The following APC2 variants were observed in gnomAD, a reference collection of about 807,000 sequenced individuals.
The protein encoded by APC2 is adenomatous polyposis coli protein 2.
APC2 carries 41 observed loss-of-function variants against 72.5 expected under a neutral mutation model. That is an observed-to-expected ratio of 0.57 (90% CI 0.44 to 0.73). The LOEUF (loss-of-function observed/expected upper bound fraction) is 0.73, where lower values mean the gene tolerates loss of function less well. Among genes scored for constraint, APC2 ranks in the 30% least tolerant of loss-of-function variants. The pLI is 0.00. For synonymous variants in APC2, 1,898 were observed against 1,612.0 expected, an observed-to-expected ratio of 1.18 and a Z score of -4.25; for missense variants, 3,729 against 3,403.4, an observed-to-expected ratio of 1.10 and a Z score of -2.38.
At position 1,467,593 on chromosome 19, in the gene APC2, G is replaced by T; in HGVS notation, c.4292G>T (p.Arg1431Leu). Residue 1431 changes from arginine (R) to leucine (L), a missense_variant, in exon 15 of 15, where the codon CGC (arginine) becomes CTC (leucine). Coordinates refer to ENST00000590469, the MANE Select transcript of APC2 (RefSeq NM_005883.3). ...GPAGRQRPTG[R>L]PTSARQAMGH... ...GCGGGCAGGCAAAGACCCACCGGCC[G>T]CCCCACCTCTGCCAGACAGGCCATG... The T allele has an allele frequency of 6.6e-7, 1 of 1,511,996 alleles. No homozygotes were observed. The allele number at this position is 1,511,996 out of a possible 1,614,324, so 93.7% of individuals were successfully genotyped here. A position where few individuals can be genotyped will look rare whatever the true frequency, so the allele number is the denominator to read the frequency against.
intron 13 of APC2, 80 bp downstream of exon 13, chr19:1,461,233 C>A: frequency 1.6e-6 from 2 of 1,267,122 alleles, no homozygotes; most frequent in Non-Finnish European, 2.3e-6. Flanking sequence ...AGCTCTCCGA[C>A]TTGGGAGGAA....
Position 1,465,728 on chromosome 19 carries a change from C to T in APC2, c.2427C>T (p.Pro809=). 1.3e-6 allele frequency: 2 copies of T among 1,556,086 alleles called. No individual in the cohort carries two copies. The highest frequency in any genetic ancestry group is 1.7e-6 in the Non-Finnish European group (2 of 1,152,650). Residue 809 remains proline (P), a synonymous_variant, in exon 15 of 15, where the codon CCC becomes CCT. Transcript: ENST00000590469. ...PAALSLFLGS[P]FLQGQALART... is the part of the protein sequence containing the mutation. ...CGCTGTCCCTCTTCCTGGGCAGCCC[C>T]TTCCTGCAGGGGCAGGCGCTGGCTC...
Position 1,469,595 on chromosome 19 carries a change from CTACGCG to C in APC2, c.6296_6301del (p.Tyr2099_Ala2100del), listed in dbSNP as rs1423560120. 4.8e-6 allele frequency: 6 copies of C among 1,259,512 alleles called. No individual in the cohort carries two copies. Among genetic ancestry groups the C allele is most frequent in the Non-Finnish European group, 6.1e-6 (6 of 991,722 alleles). 78.0% of individuals were successfully genotyped at this position (1,259,512 alleles called of 1,614,324 possible). ...CCGCCCGGCCGGAGACTGTCAAGCGCTACGCGTCGCTGCCGCACATCAGCGTGGCCC... is the reference window on the plus strand; with the variant it reads ...CCGCCCGGCCGGAGACTGTCAAGCGCTCGCTGCCGCACATCAGCGTGGCCC... On this transcript the variant is annotated inframe_deletion, in exon 15 of 15. Transcript: ENST00000590469.
chr19:1,468,200 C>T lies in APC2; in HGVS notation c.4899C>T (p.Ile1633=). 2 of 1,463,160 alleles carry T rather than the reference C, an allele frequency of 1.4e-6. No individual in the cohort carries two copies. Among genetic ancestry groups the T allele is most frequent in the Non-Finnish European group, 1.8e-6 (2 of 1,116,960 alleles). The allele number at this position is 1,463,160 out of a possible 1,614,324, so 90.6% of individuals were successfully genotyped here. A position where few individuals can be genotyped will look rare whatever the true frequency, so the allele number is the denominator to read the frequency against. ...RAAEELLQRC[I]SSALPRRRPP... is the part of the protein sequence containing the mutation. ...CGGAGGAGCTTCTGCAGCGGTGCAT[C>T]AGCTCGGCCCTGCCCAGGCGCCGGC... Residue 1633 remains isoleucine, a synonymous_variant, in exon 15 of 15, where the codon ATC becomes ATT. Coordinates refer to ENST00000590469, the MANE Select transcript of APC2 (RefSeq NM_005883.3).
intron 14 of APC2, among the ~76,000 whole-genome samples, chr19:1,464,079 T>G (rs1031563603): frequency 2.6e-5 from 4 of 151,196 alleles, no homozygotes; most frequent in African/African-American, 9.7e-5. Flanking sequence ...CAGGCCGAGG[T>G]AGGTGGATCA....
Position 1,455,586 on chromosome 19 carries a change from T to C in APC2, c.639+86T>C, listed in dbSNP as rs1292909404. ...GAGTGCAGATATTATGGGCGGGGTC[T>C]GGGGTAATGGGAGGAGTCTTATGCC... On this transcript the variant is annotated intron_variant, in intron 6 of 14. Transcript: ENST00000590469. 4.6e-6 allele frequency: 6 copies of C among 1,308,162 alleles called. No individual in the cohort carries two copies. In the African/African-American group the frequency reaches 5.9e-5, roughly 13 times the overall value. The allele number at this position is 1,308,162 out of a possible 1,614,324, so 81.0% of individuals were successfully genotyped here.
At position 1,471,322 on chromosome 19, in the gene APC2, C is replaced by A. The variant is rs2084130185; in HGVS notation, c.*1109C>A. 1 of 152,314 alleles carries A rather than the reference C, an allele frequency of 6.6e-6. No individual in the cohort carries two copies. The highest frequency in any genetic ancestry group is 1.9e-4 in the East Asian group (1 of 5,200). The allele number at this position is 152,314 out of a possible 1,614,324, so 9.4% of individuals were successfully genotyped here. The stretch of plus-strand genomic sequence containing the variant: ...AGGCCCTAGAACTCCAGAAACAGCA[C>A]AGCTGGGGCGGGGACCCAGCCTTGC... On this transcript the variant is annotated 3_prime_UTR_variant, in exon 15 of 15. Transcript: ENST00000590469.
At position 1,468,952 on chromosome 19, in the gene APC2, A is replaced by T; in HGVS notation, c.5651A>T (p.Gln1884Leu). The T allele has an allele frequency of 6.5e-7, 1 of 1,538,148 alleles. No individual in the cohort carries two copies. The highest frequency in any genetic ancestry group is 1.2e-5 in the South Asian group (1 of 83,034). Residue 1884 changes from glutamine (Q) to leucine (L), a missense_variant, in exon 15 of 15, where the codon CAG (glutamine) becomes CTG (leucine). Transcript: ENST00000590469. ...SSSSQTSPAS[Q>L]PLPRKRPPVT... ...TCCTCCCAGACCTCGCCCGCCTCCC[A>T]GCCCCTGCCCAGAAAGCGCCCCCCG... is the stretch of plus-strand genomic sequence containing the variant.
Position 1,466,384 on chromosome 19 carries a change from A to T in APC2, c.3083A>T (p.Gln1028Leu), listed in dbSNP as rs1305000598. ...GPGISPGARK[Q>L]AWLPADHLSK... ...GGAATCTCTCCAGGGGCCCGGAAGC[A>T]GGCCTGGCTGCCGGCAGACCACCTG... Residue 1028 changes from glutamine to leucine, a missense_variant, in exon 15 of 15, where the codon CAG becomes CTG. Physicochemically the swap from Gln to Leu is moderately radical, Grantham distance 113. Coordinates refer to ENST00000590469, the MANE Select transcript of APC2 (RefSeq NM_005883.3). 6.3e-7 allele frequency: 1 copy of T among 1,589,722 alleles called. No homozygotes were observed.
upstream of APC2, among the ~76,000 whole-genome samples, chr19:1,446,782 G>A (rs1295762416): frequency 6.6e-6 from 1 of 152,064 alleles, no homozygotes; most frequent in Non-Finnish European, 1.5e-5. The surrounding 1 kb of genome is among the most constrained non-coding windows in gnomAD (Gnocchi z 6.1). Context: ...TCCCCTTCTG[G>A]GCGCGAGCGT....
At chr19:1,462,429 G>A (rs10409060) in intron 14 of APC2, among the ~76,000 whole-genome samples, 3,771 of 151,986 alleles carry the variant, frequency 0.025, 137 homozygotes, top group African/African-American at 0.081. Flanking sequence ...GCCGAGGCAG[G>A]CAGATCACCT....
intron 10 of APC2, among the ~76,000 whole-genome samples, chr19:1,458,770 G>A (rs2083878794): frequency 6.6e-6 from 1 of 151,978 alleles, no homozygotes. Context: ...AGGCTGGAGT[G>A]CAGTGGTACA....
intron 5 of APC2, 38 bp downstream of exon 5, chr19:1,455,295 C>G: frequency 6.3e-7 from 1 of 1,576,794 alleles, no homozygotes; most frequent in Non-Finnish European, 8.6e-7. Context: ...GCGCGCCCGC[C>G]CCACTCAGGG....
upstream of APC2, among the ~76,000 whole-genome samples, chr19:1,449,983 G>A (rs1436003250): frequency 6.6e-6 from 1 of 152,026 alleles, no homozygotes; most frequent in Admixed American, 6.5e-5. Context: ...CTGAGCCCGC[G>A]CGGAGGCCCG....
chr19:1,467,435 C>T lies in APC2; in HGVS notation c.4134C>T (p.Pro1378=), dbSNP rs966488100. 58 of 1,481,072 alleles carry T rather than the reference C, an allele frequency of 3.9e-5. No homozygotes were observed. The highest frequency in any genetic ancestry group is 4.7e-5 in the Non-Finnish European group (53 of 1,120,260). 91.7% of individuals were successfully genotyped at this position (1,481,072 alleles called of 1,614,324 possible). The change falls in exon 15 of 15, where the codon CCC becomes CCT. Residue 1378 remains proline, a synonymous_variant. Transcript: ENST00000590469. ...CCGTGCCCGTCTACATGTTGGTGCC[C>T]GCCCCGGCCCCGGCCCAGGAGGACG... ...ALPVPVYMLV[P]APAPAQEDDS... is the part of the protein sequence containing the mutation.
intron 1 of APC2, chr19:1,451,430 C>T (rs143741153): frequency 0.016 from 2,498 of 152,722 alleles, 62 homozygotes; most frequent in Non-Finnish European, 0.019. Context: ...AGCCCCCAAC[C>T]CCAAGCCTGA....
At position 1,462,246 on chromosome 19, in the gene APC2, A is replaced by G. The variant is rs2083938851; in HGVS notation, c.1853+69A>G. On this transcript the variant is annotated intron_variant, in intron 14 of 14. Coordinates refer to ENST00000590469, the MANE Select transcript of APC2 (RefSeq NM_005883.3). Reference sequence around the variant, plus strand: ...GGGCGGGCACAGGGCTGGGCTGGGCACTGTCCTCCCGTGAATGCATGCTCC... The same window carrying G: ...GGGCGGGCACAGGGCTGGGCTGGGCGCTGTCCTCCCGTGAATGCATGCTCC... 4 of 1,401,548 alleles carry G rather than the reference A, an allele frequency of 2.9e-6. No homozygotes were observed. The Admixed American group carries it at 6.4e-5, about 23-fold the overall frequency. 86.8% of individuals were successfully genotyped at this position (1,401,548 alleles called of 1,614,324 possible). A position where few individuals can be genotyped will look rare whatever the true frequency, so the allele number is the denominator to read the frequency against.
In APC2 at chr19:1,455,441, A is replaced by G. The variant is rs1401367784; in HGVS notation, c.580A>G (p.Ile194Val). The change falls in exon 6 of 15, where the codon ATC (isoleucine) becomes GTC (valine). Residue 194 changes from isoleucine to valine, a missense_variant. Coordinates refer to ENST00000590469, the MANE Select transcript of APC2 (RefSeq NM_005883.3). ...RQQLEFEAQHIRSLMEERFGT... is the reference protein window; with the variant it reads ...RQQLEFEAQHVRSLMEERFGT... ...GCAGCTTGAGTTCGAGGCCCAGCAC[A>G]TCCGCTCGCTGATGGAGGAGCGCTT... The G allele has an allele frequency of 6.2e-7, 1 of 1,607,682 alleles. No individual in the cohort carries two copies. Among genetic ancestry groups the G allele is most frequent in the Non-Finnish European group, 8.5e-7 (1 of 1,177,612 alleles).
Position 1,456,968 on chromosome 19 carries a change from C to A in APC2, c.932C>A (p.Ser311Ter), listed in dbSNP as rs1568169237. The A allele has an allele frequency of 6.5e-7, 1 of 1,539,834 alleles. No homozygotes were observed. Among genetic ancestry groups the A allele is most frequent in the Admixed American group, 2.0e-5 (1 of 51,258 alleles). The stretch of plus-strand genomic sequence containing the variant: ...GAGAGCTGCGTGGCCATGCGCCGCT[C>A]GGGCTGTCTGCCTCTGCTGCTGCAA... The part of the protein sequence containing the change: ...SPESCVAMRR[S>*]GCLPLLLQIL... Residue 311 changes from serine (S) to a stop codon, truncating the protein, a stop_gained, in exon 9 of 15, where the codon TCG becomes TAG. Transcript: ENST00000590469. LOFTEE classifies it high-confidence loss of function.
Sources: allele counts gnomAD v4.1 joint callset (sites outside exome capture counted in the v4.1 genomes callset), GRCh38; gene constraint gnomAD v4.1.1; non-coding constraint Gnocchi (gnomAD v3.1); transcripts MANE v1.5; gene names NCBI Gene and HGNC (gene_info 2026-07-23, HGNC 2026-07-21).